Variants in XPR1 observed in about 807,000 individuals in gnomAD.
The protein encoded by XPR1 is xenotropic and polytropic retrovirus receptor 1, also known as solute carrier family 53 member 1.
XPR1 carries 28 observed loss-of-function variants against 87.5 expected under a neutral mutation model. That is an observed-to-expected ratio of 0.32 (90% CI 0.24 to 0.44). The LOEUF (loss-of-function observed/expected upper bound fraction) is 0.44. Among genes scored for constraint, XPR1 ranks in the 20% least tolerant of loss-of-function variants. The pLI is 1.00. For missense variants in XPR1, 559 were observed against 862.3 expected, an observed-to-expected ratio of 0.65 and a Z score of 4.41; for synonymous variants, 300 against 306.1, an observed-to-expected ratio of 0.98 and a Z score of 0.21.
intron 1 of XPR1, among the ~76,000 whole-genome samples, chr1:180,642,457 T>C (rs1654990741): frequency 6.6e-6 from 1 of 152,048 alleles, no homozygotes. Context: ...ATGAGGATAA[T>C]AACAACAGCT....
chr1:180,792,163 A>G (rs1649412512), intron 3 of XPR1, among the ~76,000 whole-genome samples: 1 of 152,236 alleles, frequency 6.6e-6, no homozygotes, highest in African/African-American at 2.4e-5. Flanking sequence ...ACACTAGGGC[A>G]CAAGAAAAAC....
intron 2 of XPR1, among the ~76,000 whole-genome samples, chr1:180,759,330 G>A (rs1647894917): frequency 6.6e-6 from 1 of 152,130 alleles, no homozygotes; most frequent in African/African-American, 2.4e-5. Context: ...TCCAGGAGCT[G>A]GTTTTTTGAA....
At chr1:180,866,163 GTTCATGCCACTGTA>G (rs1161533231) in intron 12 of XPR1, among the ~76,000 whole-genome samples, 2 of 151,978 alleles carry the variant, frequency 1.3e-5, no homozygotes, top group African/African-American at 4.8e-5. Context: ...AGTGGGCTAT[GTTCATGCCACTGTA>G]CTCCAGCCTG....
At chr1:180,704,257 T>TATATATATATATAC (rs2101974215) in intron 2 of XPR1, among the ~76,000 whole-genome samples, 1 of 136,060 alleles carries the variant, frequency 7.3e-6, no homozygotes, top group East Asian at 2.2e-4. Flanking sequence ...TATATATATA[T>TATATATATATATAC]ATATATATAT....
At chr1:180,800,865 G>C (rs1649754720) in intron 3 of XPR1, among the ~76,000 whole-genome samples, 1 of 152,102 alleles carries the variant, frequency 6.6e-6, no homozygotes, top group African/African-American at 2.4e-5. Context: ...AGGGGTCTTG[G>C]GTTTTTGAAC....
At chr1:180,683,055 T>G (rs1056571888) in intron 2 of XPR1, among the ~76,000 whole-genome samples, 1 of 152,100 alleles carries the variant, frequency 6.6e-6, no homozygotes, top group Non-Finnish European at 1.5e-5. Context: ...ATGTGCCATG[T>G]TGGTGTGCTG....
At chr1:180,744,646 A>ATTTTTTTTT (rs1295757177) in intron 2 of XPR1, among the ~76,000 whole-genome samples, 1 of 48,198 alleles carries the variant, frequency 2.1e-5, no homozygotes, top group African/African-American at 9.2e-5. Context: ...TTTAGGCACA[A>ATTTTTTTTT]TTTCTTTCTT....
At chr1:180,701,833 CT>C (rs1657342106) in intron 2 of XPR1, among the ~76,000 whole-genome samples, 1 of 139,012 alleles carries the variant, frequency 7.2e-6, no homozygotes, top group East Asian at 2.0e-4. Flanking sequence ...CTCTTTTTTT[CT>C]TTATTAGTCT....
intron 2 of XPR1, among the ~76,000 whole-genome samples, chr1:180,770,648 T>C (rs1325441799): frequency 6.6e-6 from 1 of 152,210 alleles, no homozygotes; most frequent in East Asian, 1.9e-4. Flanking sequence ...TAATTTACTT[T>C]GTTTCCAGAA....
At chr1:180,863,670 G>A in intron 11 of XPR1, 38 bp from the exon 12 acceptor site, 1 of 1,506,584 alleles carries the variant, frequency 6.6e-7, no homozygotes, top group Non-Finnish European at 8.8e-7. Flanking sequence ...CTTAAATGTA[G>A]TAATTTTCTC....
chr1:180,635,520 G>A (rs895859053), intron 1 of XPR1, among the ~76,000 whole-genome samples: 4 of 152,068 alleles, frequency 2.6e-5, no homozygotes, highest in Non-Finnish European at 4.4e-5. Flanking sequence ...TGTTTCTTTG[G>A]TTTCTCAGGA....
At chr1:180,733,232 C>G (rs1658616910) in intron 2 of XPR1, among the ~76,000 whole-genome samples, 1 of 152,176 alleles carries the variant, frequency 6.6e-6, no homozygotes, top group Non-Finnish European at 1.5e-5. Context: ...ACAAAAATGC[C>G]TGTCCTTACC....
chr1:180,716,494 A>G (rs1657999364), intron 2 of XPR1, among the ~76,000 whole-genome samples: 2 of 152,168 alleles, frequency 1.3e-5, no homozygotes, highest in African/African-American at 4.8e-5. Context: ...TTTTATTGAT[A>G]TCCACTCTTT....
At chr1:180,689,497 C>A (rs1656909943) in intron 2 of XPR1, among the ~76,000 whole-genome samples, 2 of 151,736 alleles carry the variant, frequency 1.3e-5, no homozygotes, top group South Asian at 4.2e-4. Flanking sequence ...CATATAGTTC[C>A]CAGAAGTATT....
chr1:180,811,291 A>G, intron 6 of XPR1, 116 bp from the exon 7 acceptor site: 1 of 843,288 alleles, frequency 1.2e-6, no homozygotes, highest in Non-Finnish European at 1.9e-6. Context: ...AATTTAGAAC[A>G]TTAAATATTA....
intron 2 of XPR1, among the ~76,000 whole-genome samples, chr1:180,743,707 T>C (rs1038551629): frequency 6.6e-6 from 1 of 152,204 alleles, no homozygotes; most frequent in Non-Finnish European, 1.5e-5. Context: ...AGATTTTCTT[T>C]CTCTGAGATT....
intron 9 of XPR1, among the ~76,000 whole-genome samples, chr1:180,827,228 G>C (rs1650882879): frequency 6.7e-6 from 1 of 149,336 alleles, no homozygotes; most frequent in Non-Finnish European, 1.5e-5. Flanking sequence ...GGCTTCAAGT[G>C]TTCCTCCCGC....
At chr1:180,709,776 T>A (rs1336430376) in intron 2 of XPR1, among the ~76,000 whole-genome samples, 2 of 152,228 alleles carry the variant, frequency 1.3e-5, no homozygotes, top group East Asian at 3.8e-4. Flanking sequence ...ACTAACGATA[T>A]TGAGACTTTT....
At chr1:180,731,195 T>C (rs61809351) in intron 2 of XPR1, among the ~76,000 whole-genome samples, 8,140 of 152,308 alleles carry the variant, frequency 0.053, 309 homozygotes, top group Non-Finnish European at 0.079. Flanking sequence ...GTTTAAAATT[T>C]TCTGTAGGTA....
Sources: gnomAD v4.1 joint callset for allele counts (sites outside exome capture counted in the v4.1 genomes callset) on GRCh38, gnomAD v4.1.1 for gene constraint, MANE v1.5 for transcripts, NCBI Gene and HGNC (gene_info 2026-07-23, HGNC 2026-07-21) for gene names.